The following KCNQ1 variants were observed in gnomAD, a reference collection of about 807,000 sequenced individuals.
KCNQ1 encodes the protein potassium voltage-gated channel subfamily Q member 1.
Under a neutral mutation model 72.4 loss-of-function variants are expected in KCNQ1, and 49 were observed. That is an observed-to-expected ratio of 0.68 (90% CI 0.54 to 0.86). The LOEUF (loss-of-function observed/expected upper bound fraction) is 0.86, where lower values mean the gene tolerates loss of function less well. Among genes scored for constraint, KCNQ1 ranks in the 40% least tolerant of loss-of-function variants. KCNQ1 has a pLI of 0.00. For synonymous variants in KCNQ1, 450 were observed against 412.6 expected (o/e 1.09, Z -1.10); for missense variants, 790 against 945.1 (o/e 0.84, Z 2.15).
Position 2,817,906 on chromosome 11 carries a change from C to G in KCNQ1, c.1795-29861C>G, listed in dbSNP as rs1847651709. On this transcript the variant is annotated intron_variant, in intron 15 of 15. Transcript: ENST00000155840. This position sits in a 1 kb window ranked among gnomAD's most constrained non-coding sequence, Gnocchi z 6.1. ...CACCTACCAGCTTTGCGCAAATGCT[C>G]CACATTTGCATTTTAAAAGCCCTGA... Among the ~76,000 whole-genome samples, 1 of 152,142 alleles carries G rather than the reference C, an allele frequency of 6.6e-6. No homozygotes were observed. Among genetic ancestry groups the G allele is most frequent in the African/African-American group, 2.4e-5 (1 of 41,418 alleles).
rs1394103494 is a variant in KCNQ1 at position 2,627,420 on chromosome 11, T to C, written c.1394-34541T>C. On this transcript the variant is annotated intron_variant, in intron 10 of 15. Transcript: ENST00000155840. This position sits in a 1 kb window ranked among gnomAD's most constrained non-coding sequence, Gnocchi z 4.9. ...TTATGTCAAGAACTTATTCATCTGA[T>C]AACTCTATGTTTGTACCCTTCAACA... The C allele has an allele frequency of 7.5e-6, 3 of 398,422 alleles. No homozygotes were observed. Among genetic ancestry groups the C allele is most frequent in the Non-Finnish European group, 1.3e-5 (3 of 226,036 alleles). The allele number at this position is 398,422 out of a possible 1,614,324, so 24.7% of individuals were successfully genotyped here. A position where few individuals can be genotyped will look rare whatever the true frequency, so the allele number is the denominator to read the frequency against.
chr11:2,473,508 G>A lies in KCNQ1; in HGVS notation c.386+28024G>A, dbSNP rs780893064. ...GCTGGGAAATCCAAGGGGCAAGGCC[G>A]TTTCCCGTCCTGGTCCGTCGTTGAG... On this transcript the variant is annotated intron_variant, in intron 1 of 15. Transcript: ENST00000155840. The surrounding 1 kb of genome is among the most constrained non-coding windows in gnomAD (Gnocchi z 6.0). Among the ~76,000 whole-genome samples the A allele has an allele frequency of 2.6e-5, 4 of 152,198 alleles. No homozygotes were observed. Among genetic ancestry groups the A allele is most frequent in the African/African-American group, 7.2e-5 (3 of 41,452 alleles).
intron 15 of KCNQ1, among the ~76,000 whole-genome samples, chr11:2,841,853 A>T (rs1199759259): frequency 6.6e-6 from 1 of 152,144 alleles, no homozygotes; most frequent in Non-Finnish European, 1.5e-5. Flanking sequence ...AGCAGGGGGA[A>T]GGGTCTTTCT....
intron 1 of KCNQ1, among the ~76,000 whole-genome samples, chr11:2,502,113 G>A (rs540982331): frequency 6.6e-6 from 1 of 152,156 alleles, no homozygotes; most frequent in East Asian, 1.9e-4. Flanking sequence ...AAAACTGAAG[G>A]CCTTTCCTCT....
chr11:2,445,540 G>T (rs895536381), intron 1 of KCNQ1, 56 bp downstream of exon 1: 4 of 1,559,446 alleles, frequency 2.6e-6, no homozygotes, highest in East Asian at 4.6e-5. Context: ...GAGCTGGTGT[G>T]GGGGAGCTCT....
chr11:2,630,301 A>T (rs1232924478), intron 10 of KCNQ1: 8 of 398,116 alleles, frequency 2.0e-5, no homozygotes, highest in African/African-American at 1.6e-4. Flanking sequence ...GTGCTGTTAA[A>T]TTCAGTTTGA....
At chr11:2,618,353 T>G in intron 10 of KCNQ1, 1 of 398,532 alleles carries the variant, frequency 2.5e-6, no homozygotes, top group Admixed American at 4.4e-5. Flanking sequence ...GTTTACAAAT[T>G]TGTGTTGGGC....
In KCNQ1 at chr11:2,659,910, G is replaced by A. The variant is rs1849920860; in HGVS notation, c.1394-2051G>A. The A allele has an allele frequency of 2.5e-6, 1 of 398,242 alleles. No homozygotes were observed. The highest frequency in any genetic ancestry group is 4.4e-5 in the Admixed American group (1 of 22,728). 24.7% of individuals were successfully genotyped at this position (398,242 alleles called of 1,614,324 possible). A position where few individuals can be genotyped will look rare whatever the true frequency, so the allele number is the denominator to read the frequency against. On this transcript the variant is annotated intron_variant, in intron 10 of 15. Transcript: ENST00000155840. The surrounding 1 kb of genome is among the most constrained non-coding windows in gnomAD (Gnocchi z 4.3). Reference sequence around the variant, plus strand: ...GGATTGTTCACTTTATTGTCAAGTTGTAAGCATTCTTTATATATTCTGAGT... The same window carrying A: ...GGATTGTTCACTTTATTGTCAAGTTATAAGCATTCTTTATATATTCTGAGT...
intron 2 of KCNQ1, among the ~76,000 whole-genome samples, chr11:2,535,875 C>T (rs1847723109): frequency 6.6e-6 from 1 of 152,232 alleles, no homozygotes; most frequent in African/African-American, 2.4e-5. Context: ...CGGAGGCAGC[C>T]AGTGCTTGTG....
rs149339745 is a variant in KCNQ1, at chr11:2,701,225, G to T, written c.1514+39144G>T. Among the ~76,000 whole-genome samples the T allele has an allele frequency of 1.4e-4, 21 of 152,300 alleles. No individual in the cohort carries two copies. The East Asian group carries it at 4.1e-3, about 29-fold the overall frequency. On this transcript the variant is annotated intron_variant, in intron 11 of 15. Transcript: ENST00000155840. ...CAAGGGTGACCGGGTTGGGGGTTTT[G>T]TTGTTCTTCAGCCCAGAAGAGAAAG... is the stretch of plus-strand genomic sequence containing the variant.
At chr11:2,630,445 C>T in intron 10 of KCNQ1, 1 of 398,144 alleles carries the variant, frequency 2.5e-6, no homozygotes, top group Non-Finnish European at 4.4e-6. Flanking sequence ...TGGGATTGTT[C>T]CCTCTTTGTT....
chr11:2,515,479 C>A lies in KCNQ1; in HGVS notation c.387-12449C>A, dbSNP rs1266358636. On this transcript the variant is annotated intron_variant, in intron 1 of 15. Coordinates refer to ENST00000155840, the MANE Select transcript of KCNQ1 (RefSeq NM_000218.3). The surrounding 1 kb of genome is among the most constrained non-coding windows in gnomAD (Gnocchi z 4.7). Reference sequence around the variant, plus strand: ...CCGAGGCCCCTGCTGCCCAGCAAGACCACCACCCTCTGCTCCAGGACAGCG... The same window carrying A: ...CCGAGGCCCCTGCTGCCCAGCAAGAACACCACCCTCTGCTCCAGGACAGCG... Among the ~76,000 whole-genome samples, 2 of 147,924 alleles carry A rather than the reference C, an allele frequency of 1.4e-5. No individual in the cohort carries two copies. Among genetic ancestry groups the A allele is most frequent in the Non-Finnish European group, 3.0e-5 (2 of 66,770 alleles).
Position 2,450,722 on chromosome 11 carries a change from C to G in KCNQ1, c.386+5238C>G, listed in dbSNP as rs1846109400. ...TGAGAAACCCCAGACCTCACAGATGCAAAATTATCGTGGTTGACAAAGGGA... is the reference window on the plus strand; with the variant it reads ...TGAGAAACCCCAGACCTCACAGATGGAAAATTATCGTGGTTGACAAAGGGA... On this transcript the variant is annotated intron_variant, in intron 1 of 15. Transcript: ENST00000155840. The surrounding 1 kb of genome is among the most constrained non-coding windows in gnomAD (Gnocchi z 7.9). 6.6e-6 allele frequency among the ~76,000 whole-genome samples: 1 copy of G among 152,144 alleles called. No individual in the cohort carries two copies. The highest frequency in any genetic ancestry group is 2.4e-5 in the African/African-American group (1 of 41,420).
Position 2,679,345 on chromosome 11 carries a change from C to A in KCNQ1, c.1514+17264C>A, listed in dbSNP as rs1462312391. On this transcript the variant is annotated intron_variant, in intron 11 of 15. Transcript: ENST00000155840. This position sits in a 1 kb window ranked among gnomAD's most constrained non-coding sequence, Gnocchi z 4.8. ...ACTCATATCCTAATTCCACTACTTT[C>A]TACCTGCTACACCTTGAGTGAGTCA... 5 of 398,522 alleles carry A rather than the reference C, an allele frequency of 1.3e-5. No individual in the cohort carries two copies. The highest frequency in any genetic ancestry group is 1.8e-5 in the Non-Finnish European group (4 of 226,066). 24.7% of individuals were successfully genotyped at this position (398,522 alleles called of 1,614,324 possible).
intron 10 of KCNQ1, chr11:2,644,355 G>A (rs1849632829): frequency 2.5e-6 from 1 of 398,018 alleles, no homozygotes; most frequent in East Asian, 3.6e-5. Context: ...GCTTGTTGTG[G>A]TCTGTTATTG....
rs1851013647 is a variant in KCNQ1, at chr11:2,711,868, G to A, written c.1514+49787G>A. Among the ~76,000 whole-genome samples the A allele has an allele frequency of 6.6e-6, 1 of 152,202 alleles. No individual in the cohort carries two copies. The highest frequency in any genetic ancestry group is 2.1e-4 in the South Asian group (1 of 4,826). ...AGGAGGGTGCCTTTGAGGGGAGGCA[G>A]AGTTGGCTCACGGGAAAGGCTGGCC... On this transcript the variant is annotated intron_variant, in intron 11 of 15. Transcript: ENST00000155840. This position sits in a 1 kb window ranked among gnomAD's most constrained non-coding sequence, Gnocchi z 5.4.
chr11:2,806,682 T>C (rs572857396), intron 15 of KCNQ1, among the ~76,000 whole-genome samples: 4 of 152,194 alleles, frequency 2.6e-5, no homozygotes, highest in Admixed American at 6.5e-5. Context: ...CCCCATTCAT[T>C]CTCTCCGTGG....
chr11:2,633,090 T>C (rs934507789), intron 10 of KCNQ1: 2 of 398,530 alleles, frequency 5.0e-6, no homozygotes, highest in Admixed American at 4.4e-5. Flanking sequence ...ATGTTTTGTC[T>C]TTTTGAAAAC....
intron 10 of KCNQ1, chr11:2,628,085 A>G (rs1183512281): frequency 2.5e-6 from 1 of 398,498 alleles, no homozygotes. Flanking sequence ...CTACTGTAAC[A>G]CTACAATGAA....
Sources: allele counts gnomAD v4.1 joint callset (sites outside exome capture counted in the v4.1 genomes callset), GRCh38; gene constraint gnomAD v4.1.1; non-coding constraint Gnocchi (gnomAD v3.1); transcripts MANE v1.5; gene names NCBI Gene and HGNC (gene_info 2026-07-23, HGNC 2026-07-21).